The following PGBD5 variants were observed in gnomAD, a reference collection of about 807,000 sequenced individuals.
PGBD5 encodes the protein piggyBac transposable element derived 5.
Under a neutral mutation model 47.9 loss-of-function variants are expected in PGBD5, and 14 were observed. The ratio of observed to expected loss-of-function variants is 0.29; its 90% CI spans 0.19 to 0.46. The LOEUF is 0.46. Among genes scored for constraint, PGBD5 ranks in the 20% least tolerant of loss-of-function variants. The pLI is 1.00. For missense variants in PGBD5, 635 were observed against 716.0 expected, an observed-to-expected ratio of 0.89 and a Z score of 1.29; for synonymous variants, 316 against 306.3, an observed-to-expected ratio of 1.03 and a Z score of -0.33.
At chr1:230,377,646 T>C in intron 1 of PGBD5, 1 of 1,478,898 alleles carries the variant, frequency 6.8e-7, no homozygotes, top group Non-Finnish European at 9.0e-7. Flanking sequence ...ACAGGTGCCC[T>C]GGTCAAGGTA....
chr1:230,365,753 A>G (rs2632575), intron 1 of PGBD5, among the ~76,000 whole-genome samples: 96,369 of 152,110 alleles, frequency 0.63, 31,884 homozygotes, highest in Non-Finnish European at 0.74. Context: ...CAAAATCCCC[A>G]TCACATGTAC....
chr1:230,426,239 GCCGCCACCA>G lies in PGBD5; in HGVS notation c.-320_-312del, dbSNP rs1358078895. 191 of 150,428 alleles carry G rather than the reference GCCGCCACCA, an allele frequency of 1.3e-3. 1 individual carries two copies. The highest frequency in any genetic ancestry group is 3.4e-3 in the African/African-American group (137 of 40,736). 9.3% of individuals were successfully genotyped at this position (150,428 alleles called of 1,614,324 possible). A position where few individuals can be genotyped will look rare whatever the true frequency, so the allele number is the denominator to read the frequency against. On this transcript the variant is annotated 5_prime_UTR_variant, in exon 1 of 7. Coordinates refer to ENST00000391860, the MANE Select transcript of PGBD5 (RefSeq NM_001258311.2). ...GAGACCAGGCGCCGCCGCCGCCACC[GCCGCCACCA>G]CCGCCACCACCGCCGCCGCTGCGTC...
intron 5 of PGBD5, among the ~76,000 whole-genome samples, chr1:230,331,628 CCTCTTT>C (rs1422940379): frequency 1.3e-5 from 2 of 151,908 alleles, no homozygotes; most frequent in Non-Finnish European, 2.9e-5. Flanking sequence ...ACTTCCTCTT[CCTCTTT>C]CTTCTTCGTT....
chr1:230,332,950 G>A lies in PGBD5; in HGVS notation c.1167C>T (p.Ala389=). The change falls in exon 5 of 7, where the codon GCC becomes GCT. Residue 389 remains alanine (A), a synonymous_variant. Transcript: ENST00000391860. Reference sequence around the variant, plus strand: ...TCATCTTGATTTGGTACTGGCCCCGGGCCGGGGGTGTGGCTGGGTTGGTCA... The same window carrying A: ...TCATCTTGATTTGGTACTGGCCCCGAGCCGGGGGTGTGGCTGGGTTGGTCA... ...SMLTNPATPP[A]RGQYQIKMKG... is the part of the protein sequence containing the mutation. The A allele has an allele frequency of 6.2e-7, 1 of 1,614,178 alleles. No individual in the cohort carries two copies. Among genetic ancestry groups the A allele is most frequent in the Non-Finnish European group, 8.5e-7 (1 of 1,180,002 alleles).
chr1:230,352,400 G>A (rs1182253175), intron 2 of PGBD5, among the ~76,000 whole-genome samples: 1 of 152,098 alleles, frequency 6.6e-6, no homozygotes, highest in Non-Finnish European at 1.5e-5. Flanking sequence ...CCCAGGTGAT[G>A]GCAGAAAAAG....
At chr1:230,382,913 T>A (rs1656547989) in intron 1 of PGBD5, among the ~76,000 whole-genome samples, 1 of 143,138 alleles carries the variant, frequency 7.0e-6, no homozygotes, top group Non-Finnish European at 1.6e-5. Context: ...TGTCAGATGT[T>A]ACTACTTCAT....
intron 5 of PGBD5, among the ~76,000 whole-genome samples, chr1:230,327,113 C>T (rs1260711319): frequency 1.6e-4 from 25 of 152,140 alleles, no homozygotes; most frequent in Admixed American, 1.6e-3. Context: ...TTCTTCCTAA[C>T]AGCCGCGGCC....
intron 1 of PGBD5, among the ~76,000 whole-genome samples, chr1:230,375,652 C>CTTTTT (rs199545872): frequency 3.8e-5 from 4 of 105,660 alleles, no homozygotes; most frequent in Admixed American, 9.4e-5. Context: ...TCCTATTTGA[C>CTTTTT]TTTTTTTTTT....
intron 1 of PGBD5, among the ~76,000 whole-genome samples, chr1:230,376,902 T>G (rs1181937139): frequency 6.6e-6 from 1 of 152,218 alleles, no homozygotes; most frequent in East Asian, 1.9e-4. Context: ...CTCACAAGAC[T>G]GTCAGAAGGA....
At position 230,316,213 on chromosome 1, in the gene PGBD5, CAT is replaced by C. The variant is rs1384867439; in HGVS notation, c.*7210_*7211del. On this transcript the variant is annotated 3_prime_UTR_variant, in exon 7 of 7. Transcript: ENST00000391860. ...GCATGTGTATACATACATATGTACA[CAT>C]GTGTATATGTGTATACGTACATATG... is the stretch of plus-strand genomic sequence containing the variant. 459 of 152,174 alleles carry C rather than the reference CAT, an allele frequency of 3.0e-3. 5 individuals are homozygous for C. The highest frequency in any genetic ancestry group is 1.0e-2 in the African/African-American group (410 of 41,186). The allele number at this position is 152,174 out of a possible 1,614,324, so 9.4% of individuals were successfully genotyped here. A position where few individuals can be genotyped will look rare whatever the true frequency, so the allele number is the denominator to read the frequency against.
At chr1:230,367,913 G>A (rs769940717) in intron 1 of PGBD5, 7 of 1,336,646 alleles carry the variant, frequency 5.2e-6, no homozygotes, top group Non-Finnish European at 6.0e-6. Flanking sequence ...GCAGAGGCTC[G>A]GGGAAGAGAA....
chr1:230,339,013 C>A (rs1667370227), intron 3 of PGBD5, among the ~76,000 whole-genome samples: 1 of 152,162 alleles, frequency 6.6e-6, no homozygotes, highest in South Asian at 2.1e-4. Flanking sequence ...TTCTCATCAA[C>A]ACCCACATTA....
At position 230,315,643 on chromosome 1, in the gene PGBD5, A is replaced by C. The variant is rs1666923328; in HGVS notation, c.*7782T>G. Reference sequence around the variant, plus strand: ...ATTGCTAAGGACCTAGCAGAGGCTCATCATGTGGTAGACTCTGTATTTTAT... The same window carrying C: ...ATTGCTAAGGACCTAGCAGAGGCTCCTCATGTGGTAGACTCTGTATTTTAT... On this transcript the variant is annotated 3_prime_UTR_variant, in exon 7 of 7. Coordinates refer to ENST00000391860, the MANE Select transcript of PGBD5 (RefSeq NM_001258311.2). The C allele has an allele frequency of 6.6e-6, 1 of 151,840 alleles. No individual in the cohort carries two copies. Among genetic ancestry groups the C allele is most frequent in the Non-Finnish European group, 1.5e-5 (1 of 67,930 alleles). 9.4% of individuals were successfully genotyped at this position (151,840 alleles called of 1,614,324 possible). A position where few individuals can be genotyped will look rare whatever the true frequency, so the allele number is the denominator to read the frequency against.
intron 1 of PGBD5, among the ~76,000 whole-genome samples, chr1:230,397,211 G>A (rs1000727298): frequency 1.3e-5 from 2 of 152,158 alleles, no homozygotes; most frequent in East Asian, 1.9e-4. Flanking sequence ...CACTGTTCCC[G>A]CTCAGAAATC....
At chr1:230,365,206 A>G (rs372806265) in intron 1 of PGBD5, among the ~76,000 whole-genome samples, 4 of 149,290 alleles carry the variant, frequency 2.7e-5, no homozygotes, top group East Asian at 2.0e-4. Flanking sequence ...CCAGCTACTC[A>G]GGAGGCTGAG....
chr1:230,349,531 T>C (rs1372064066), intron 3 of PGBD5, among the ~76,000 whole-genome samples: 2 of 49,976 alleles, frequency 4.0e-5, no homozygotes, highest in South Asian at 9.3e-4. Flanking sequence ...TCAGACCCCG[T>C]CTCAAAAAAA....
At chr1:230,367,316 T>C (rs967104694) in intron 1 of PGBD5, among the ~76,000 whole-genome samples, 10 of 152,090 alleles carry the variant, frequency 6.6e-5, no homozygotes, top group Non-Finnish European at 8.8e-5. Context: ...CACGTCCTCC[T>C]GCCCTCCAGG....
intron 1 of PGBD5, among the ~76,000 whole-genome samples, chr1:230,407,073 G>A (rs927713209): frequency 6.6e-6 from 1 of 152,176 alleles, no homozygotes; most frequent in African/African-American, 2.4e-5. Context: ...GACCTCAGGT[G>A]ATCCGCCTGC....
intron 1 of PGBD5, among the ~76,000 whole-genome samples, chr1:230,407,073 G>C (rs927713209): frequency 1.3e-5 from 2 of 152,176 alleles, no homozygotes; most frequent in African/African-American, 4.8e-5. Flanking sequence ...GACCTCAGGT[G>C]ATCCGCCTGC....
Sources: gnomAD v4.1 joint callset for allele counts (sites outside exome capture counted in the v4.1 genomes callset) on GRCh38, gnomAD v4.1.1 for gene constraint, MANE v1.5 for transcripts, NCBI Gene and HGNC (gene_info 2026-07-23, HGNC 2026-07-21) for gene names.